The following VWA2 variants were observed in gnomAD, a reference collection of about 807,000 sequenced individuals.
VWA2 encodes the protein von Willebrand factor A domain containing 2.
Under a neutral mutation model 70.4 loss-of-function variants are expected in VWA2, and 73 were observed. That is an observed-to-expected ratio of 1.04 (90% confidence interval 0.86 to 1.26). The LOEUF (loss-of-function observed/expected upper bound fraction) is 1.26. Ranked by LOEUF, VWA2 falls within the 50% of genes most tolerant of loss-of-function variation. The probability of loss-of-function intolerance (pLI) is 0.00; values close to 1 mark genes in which losing one functional copy is unlikely to be tolerated. For missense variants in VWA2, 1,011 were observed against 998.5 expected (o/e 1.01, Z -0.17); for synonymous variants, 407 against 423.3 (o/e 0.96, Z 0.47).
At position 114,291,678 on chromosome 10, in the gene VWA2, C is replaced by T. The variant is rs1319989822; in HGVS notation, c.*441C>T. Among the ~76,000 whole-genome samples, 1 of 152,236 alleles carries T rather than the reference C, an allele frequency of 6.6e-6. No homozygotes were observed. The highest frequency in any genetic ancestry group is 1.5e-5 in the Non-Finnish European group (1 of 68,038). ...TGCCCAGCAGAGGCCTTTACTAGAG[C>T]ATCCTTTGGACGGCGAAGGCCACGG... is the stretch of plus-strand genomic sequence containing the variant. On this transcript the variant is annotated 3_prime_UTR_variant, in exon 14 of 14. Coordinates refer to ENST00000392982, the MANE Select transcript of VWA2 (RefSeq NM_001272046.2).
At chr10:114,286,820 G>A (rs539946) in intron 11 of VWA2, among the ~76,000 whole-genome samples, 138,073 of 152,050 alleles carry the variant, frequency 0.91, 62,835 homozygotes, top group East Asian at 0.98. Flanking sequence ...CGATTTTATT[G>A]TTGTTGTTAC....
At chr10:114,264,501 T>C (rs1340840343) in intron 5 of VWA2, among the ~76,000 whole-genome samples, 2 of 151,846 alleles carry the variant, frequency 1.3e-5, no homozygotes, top group Non-Finnish European at 2.9e-5. Context: ...CAATGCAAGC[T>C]CCACCTCCTA....
intron 5 of VWA2, among the ~76,000 whole-genome samples, chr10:114,262,886 T>C (rs1250401863): frequency 3.3e-5 from 5 of 152,222 alleles, no homozygotes; most frequent in Admixed American, 6.5e-5. Context: ...CTTGTGCCCT[T>C]GGGGCCTCCG....
chr10:114,260,035 G>T (rs2037411534), intron 4 of VWA2, among the ~76,000 whole-genome samples: 1 of 152,230 alleles, frequency 6.6e-6, no homozygotes, highest in African/African-American at 2.4e-5. Flanking sequence ...TTCAAGTGGG[G>T]AGCAGAGGGC....
At chr10:114,269,334 G>C (rs112169486) in intron 5 of VWA2, among the ~76,000 whole-genome samples, 1 of 152,112 alleles carries the variant, frequency 6.6e-6, no homozygotes, top group Non-Finnish European at 1.5e-5. Context: ...TAATCCCAGC[G>C]CTTTGGGAGG....
At position 114,291,357 on chromosome 10, in the gene VWA2, G is replaced by A; in HGVS notation, c.*120G>A. On this transcript the variant is annotated 3_prime_UTR_variant, in exon 14 of 14. Transcript: ENST00000392982. ...TGTCTGTGCCCCAGGTCCTTAGAAT[G>A]TCTGCTTCCCGCCGTGGCCAGGACC... 10 of 1,236,802 alleles carry A rather than the reference G, an allele frequency of 8.1e-6. No homozygotes were observed. The highest frequency in any genetic ancestry group is 9.9e-6 in the Non-Finnish European group (9 of 913,474). 76.6% of individuals were successfully genotyped at this position (1,236,802 alleles called of 1,614,324 possible). A position where few individuals can be genotyped will look rare whatever the true frequency, so the allele number is the denominator to read the frequency against.
In VWA2 at chr10:114,290,205, G is replaced by A. The variant is rs780427475; in HGVS notation, c.2123-35G>A. The A allele has an allele frequency of 2.6e-6, 4 of 1,548,890 alleles. No homozygotes were observed. The South Asian group carries it at 4.8e-5, about 18-fold the overall frequency. On this transcript the variant is annotated intron_variant, in intron 12 of 13. Coordinates refer to ENST00000392982, the MANE Select transcript of VWA2 (RefSeq NM_001272046.2). ...GGGTCTTCGGGTCTAACCCATGCCT[G>A]GCCGGCCTGGTGGGTATGGTGTTCT...
At position 114,286,194 on chromosome 10, in the gene VWA2, G is replaced by A. The variant is rs147199528; in HGVS notation, c.1253G>A (p.Gly418Asp). Reference protein sequence around the residue: ...WSLDGIPFRGGPTLTGSALRQ... With the variant: ...WSLDGIPFRGDPTLTGSALRQ... ...CTCGATGGCATTCCCTTCCGTGGTG[G>A]CCCCACCCTGACGGGCAGTGCCTTG... The change falls in exon 11 of 14, where the codon GGC (glycine) becomes GAC (aspartate). Residue 418 changes from glycine (G) to aspartate (D), a missense_variant. Coordinates refer to ENST00000392982, the MANE Select transcript of VWA2 (RefSeq NM_001272046.2). The A allele has an allele frequency of 2.2e-5, 35 of 1,614,014 alleles. No individual in the cohort carries two copies. The African/African-American group carries it at 3.7e-4, about 17-fold the overall frequency.
intron 8 of VWA2, chr10:114,281,697 G>A (rs1472097794): frequency 3.1e-6 from 3 of 982,346 alleles, no homozygotes; most frequent in Admixed American, 6.1e-5. Context: ...CACACCTGGG[G>A]TGGAGGGGCG....
chr10:114,277,166 G>GTTTTTTT (rs1564727758), intron 6 of VWA2, among the ~76,000 whole-genome samples: 1 of 89,408 alleles, frequency 1.1e-5, no homozygotes, highest in African/African-American at 4.7e-5. Context: ...CTGACTGCAC[G>GTTTTTTT]TCTTTTTTTT....
chr10:114,241,416 A>G (rs2133271787), intron 1 of VWA2, among the ~76,000 whole-genome samples: 1 of 152,266 alleles, frequency 6.6e-6, no homozygotes, highest in East Asian at 1.9e-4. Context: ...CTGTCTCAAT[A>G]GTTTTACCTT....
chr10:114,289,507 C>T lies in VWA2; in HGVS notation c.2122+18C>T. 1 of 1,613,768 alleles carries T rather than the reference C, an allele frequency of 6.2e-7. No individual in the cohort carries two copies. The highest frequency in any genetic ancestry group is 8.5e-7 in the Non-Finnish European group (1 of 1,179,784). On this transcript the variant is annotated intron_variant, in intron 12 of 13. Transcript: ENST00000392982. ...GTGTGGAGGTGAGTGGGGGAATCCA[C>T]ACCCTCAGGGCTGCCCCCATGGCAG... is the stretch of plus-strand genomic sequence containing the variant.
At position 114,262,459 on chromosome 10, in the gene VWA2, G is replaced by A. The variant is rs567064166; in HGVS notation, c.371+1164G>A. Among the ~76,000 whole-genome samples the A allele has an allele frequency of 3.2e-4, 49 of 152,074 alleles. No homozygotes were observed. The South Asian group carries it at 3.3e-3, about 10-fold the overall frequency. On this transcript the variant is annotated intron_variant, in intron 5 of 13. Transcript: ENST00000392982. ...AGAATAATGACTTGATTTGCCCCTT[G>A]CCACTCTGGTCTGTGGATCCACTCT...
At chr10:114,275,205 G>T (rs1016011043) in intron 6 of VWA2, among the ~76,000 whole-genome samples, 1 of 152,198 alleles carries the variant, frequency 6.6e-6, no homozygotes, top group African/African-American at 2.4e-5. Context: ...GGAGACTAAA[G>T]AGCGGCCAGT....
intron 4 of VWA2, among the ~76,000 whole-genome samples, chr10:114,255,689 T>G (rs981991924): frequency 5.3e-5 from 8 of 152,196 alleles, no homozygotes; most frequent in Non-Finnish European, 8.8e-5. Flanking sequence ...ATCCAGCCAG[T>G]ATCTTCATTT....
At chr10:114,281,105 G>A (rs199679949) in intron 8 of VWA2, 1 of 152,226 alleles carries the variant, frequency 6.6e-6, no homozygotes, top group African/African-American at 2.4e-5. Flanking sequence ...TTACCCCAGG[G>A]AAGACCCTGC....
chr10:114,246,789 T>A, intron 1 of VWA2: 2 of 1,166,374 alleles, frequency 1.7e-6, no homozygotes, highest in Non-Finnish European at 2.6e-6. Flanking sequence ...TACTAAAATT[T>A]ATTTTACCAT....
intron 4 of VWA2, 72 bp from the exon 5 acceptor site, chr10:114,261,114 G>T: frequency 8.9e-7 from 1 of 1,119,306 alleles, no homozygotes. Context: ...AACTTTTCTT[G>T]CCCCTTCTTT....
intron 5 of VWA2, among the ~76,000 whole-genome samples, chr10:114,271,667 TC>T (rs1391580163): frequency 1.3e-5 from 2 of 150,916 alleles, no homozygotes; most frequent in African/African-American, 4.9e-5. Flanking sequence ...ATGCGTCTTG[TC>T]AGTTGGATGT....
Sources: gnomAD v4.1 joint callset for allele counts (sites outside exome capture counted in the v4.1 genomes callset) on GRCh38, gnomAD v4.1.1 for gene constraint, MANE v1.5 for transcripts, NCBI Gene and HGNC (gene_info 2026-07-23, HGNC 2026-07-21) for gene names.